ANO2: variants seen among roughly 807,000 people sequenced by gnomAD.
ANO2 encodes anoctamin 2.
In ANO2, 101 loss-of-function variants were observed where a neutral mutation model predicts 124.2. That is an observed-to-expected ratio of 0.81 (90% CI 0.69 to 0.96). ANO2 has a LOEUF of 0.96. Ranked by LOEUF, ANO2 falls within the 40% of genes least tolerant of loss-of-function variation. ANO2 has a pLI of 0.00. For synonymous variants in ANO2, 486 were observed against 482.5 expected (o/e 1.01, Z -0.09); for missense variants, 1,293 against 1,274.5 (o/e 1.01, Z -0.22).
chr12:5,803,985 G>T (rs1454517208), intron 9 of ANO2, among the ~76,000 whole-genome samples: 2 of 152,156 alleles, frequency 1.3e-5, no homozygotes, highest in African/African-American at 4.8e-5. Context: ...GTGCTGGCAG[G>T]ATGGGCAGGT....
chr12:5,564,324 CACTT>C (rs1263772550), intron 24 of ANO2: 1 of 152,478 alleles, frequency 6.6e-6, no homozygotes, highest in Non-Finnish European at 1.5e-5. Flanking sequence ...TTCCCCAGAG[CACTT>C]ACTGTCTCAA....
In ANO2 at chr12:5,843,335, C is replaced by T. The variant is rs568640829; in HGVS notation, c.633+10708G>A. 4.6e-5 allele frequency among the ~76,000 whole-genome samples: 7 copies of T among 152,152 alleles called. No individual in the cohort carries two copies. In the South Asian group the frequency reaches 1.0e-3, roughly 23 times the overall value. On this transcript the variant is annotated intron_variant, in intron 4 of 24. Coordinates refer to ENST00000682330, the MANE Select transcript of ANO2 (RefSeq NM_001364791.2). ...GAGGCCAAGGTGGGCGGATCACTTGCGGTCAGGAGTTTGAGACCAGCCTGG... is the reference window on the plus strand; with the variant it reads ...GAGGCCAAGGTGGGCGGATCACTTGTGGTCAGGAGTTTGAGACCAGCCTGG...
chr12:5,794,144 T>C (rs1952778982), intron 10 of ANO2, among the ~76,000 whole-genome samples: 1 of 152,360 alleles, frequency 6.6e-6, no homozygotes, highest in Non-Finnish European at 1.5e-5. Flanking sequence ...TTCAGGCCTA[T>C]GAGGTATTAT....
chr12:5,705,730 G>A (rs1226784585), intron 14 of ANO2, among the ~76,000 whole-genome samples: 1 of 152,192 alleles, frequency 6.6e-6, no homozygotes, highest in Non-Finnish European at 1.5e-5. Context: ...ATAACTGTTG[G>A]TTTTGCCTCT....
At chr12:5,750,228 C>T (rs1303032621) in intron 11 of ANO2, among the ~76,000 whole-genome samples, 1 of 152,186 alleles carries the variant, frequency 6.6e-6, no homozygotes, top group East Asian at 1.9e-4. Context: ...AGCCACCATA[C>T]TCATCCCATA....
At chr12:5,628,501 T>C (rs1945525977) in intron 16 of ANO2, among the ~76,000 whole-genome samples, 1 of 152,246 alleles carries the variant, frequency 6.6e-6, no homozygotes, top group Admixed American at 6.5e-5. Flanking sequence ...TCACCACTTA[T>C]CAGTTCCATG....
chr12:5,697,331 C>T (rs1949222770), intron 14 of ANO2, among the ~76,000 whole-genome samples: 1 of 152,026 alleles, frequency 6.6e-6, no homozygotes, highest in South Asian at 2.1e-4. Flanking sequence ...ACTCAGGAGG[C>T]TGAAGCAGGA....
At chr12:5,799,428 C>CA in intron 10 of ANO2, 79 bp downstream of exon 10, 1 of 1,222,664 alleles carries the variant, frequency 8.2e-7, no homozygotes, top group African/African-American at 1.5e-5. Flanking sequence ...AAAGGACTGT[C>CA]AGAGTCAAAA....
chr12:5,697,274 T>C (rs1026435855), intron 14 of ANO2, among the ~76,000 whole-genome samples: 3 of 150,988 alleles, frequency 2.0e-5, no homozygotes, highest in Non-Finnish European at 2.9e-5. Flanking sequence ...CTACTGAAAA[T>C]ACGAAAAATT....
intron 3 of ANO2, among the ~76,000 whole-genome samples, chr12:5,857,539 T>C (rs1363559993): frequency 1.3e-5 from 2 of 152,176 alleles, no homozygotes; most frequent in East Asian, 3.8e-4. Flanking sequence ...GCCTTTATTT[T>C]TTTGGTCTTT....
chr12:5,921,368 T>TG lies in ANO2; in HGVS notation c.208-3dup. On this transcript the variant is annotated splice_region_variant and splice_polypyrimidine_tract_variant and intron_variant, in intron 2 of 24. Transcript: ENST00000682330. ...GGCATCCAGATAGTTGTTGATGACCTGGCCAGAGAGAGAGGAGAGGCAGGG... is the reference window on the plus strand; with the variant it reads ...GGCATCCAGATAGTTGTTGATGACCTGGGCCAGAGAGAGAGGAGAGGCAGGG... 6.2e-7 allele frequency: 1 copy of TG among 1,612,822 alleles called. No individual in the cohort carries two copies. Among genetic ancestry groups the TG allele is most frequent in the Non-Finnish European group, 8.5e-7 (1 of 1,179,202 alleles).
chr12:5,634,605 T>C (rs1449160435), intron 16 of ANO2, among the ~76,000 whole-genome samples: 2 of 152,178 alleles, frequency 1.3e-5, no homozygotes, highest in African/African-American at 4.8e-5. Flanking sequence ...GGCCGTTGCA[T>C]TTTTCTCACT....
intron 7 of ANO2, among the ~76,000 whole-genome samples, chr12:5,826,405 A>G (rs1953954531): frequency 6.7e-6 from 1 of 148,726 alleles, no homozygotes; most frequent in South Asian, 2.1e-4. Flanking sequence ...GGAGATTAAC[A>G]TTTGAGTCGG....
intron 14 of ANO2, among the ~76,000 whole-genome samples, chr12:5,706,253 C>T (rs551926751): frequency 6.6e-6 from 1 of 152,314 alleles, no homozygotes; most frequent in East Asian, 1.9e-4. Context: ...AAGTAGCTGT[C>T]CATCTCGCTC....
At chr12:5,622,093 G>A (rs1013862969) in intron 16 of ANO2, among the ~76,000 whole-genome samples, 2 of 152,126 alleles carry the variant, frequency 1.3e-5, no homozygotes, top group Non-Finnish European at 1.5e-5. Flanking sequence ...CTGAGGGTCC[G>A]AAAATTTGGA....
intron 7 of ANO2, among the ~76,000 whole-genome samples, chr12:5,822,112 A>C (rs1328956609): frequency 6.6e-6 from 1 of 152,220 alleles, no homozygotes; most frequent in Non-Finnish European, 1.5e-5. Context: ...CAGTGAAGGG[A>C]AATCTTCCCA....
chr12:5,647,886 G>A lies in ANO2; in HGVS notation c.1546-85C>T, dbSNP rs143337216. The A allele has an allele frequency of 1.1e-4, 106 of 995,222 alleles. No homozygotes were observed. In the East Asian group the frequency reaches 2.1e-3, roughly 20 times the overall value. 61.6% of individuals were successfully genotyped at this position (995,222 alleles called of 1,614,324 possible). ...CTCTCATTTGCATATATTTGCATGC[G>A]ATTGATCATTATCACTCTATATAGA... On this transcript the variant is annotated intron_variant, in intron 14 of 24. Coordinates refer to ENST00000682330, the MANE Select transcript of ANO2 (RefSeq NM_001364791.2).
intron 14 of ANO2, among the ~76,000 whole-genome samples, chr12:5,722,650 C>T (rs572695953): frequency 9.1e-4 from 139 of 152,302 alleles, no homozygotes; most frequent in Non-Finnish European, 1.4e-3. Context: ...TGTGAGTTTC[C>T]TATGGCACCC....
intron 15 of ANO2, among the ~76,000 whole-genome samples, chr12:5,640,591 A>G (rs1946297442): frequency 6.6e-6 from 1 of 152,248 alleles, no homozygotes; most frequent in South Asian, 2.1e-4. Context: ...TCTCAAAAGA[A>G]GACATTTATG....
Sources: allele counts gnomAD v4.1 joint callset (sites outside exome capture counted in the v4.1 genomes callset), GRCh38; gene constraint gnomAD v4.1.1; transcripts MANE v1.5; gene names NCBI Gene and HGNC (gene_info 2026-07-23, HGNC 2026-07-21).